The following MRPL19 variants were observed in gnomAD, a reference collection of about 807,000 sequenced individuals.
MRPL19 encodes large ribosomal subunit protein bL19m.
MRPL19 carries 31 observed loss-of-function variants against 34.0 expected under a neutral mutation model. That is an observed-to-expected ratio of 0.91 (90% CI 0.68 to 1.23). The LOEUF (loss-of-function observed/expected upper bound fraction) is 1.23, where lower values mean the gene tolerates loss of function less well. Ranked by LOEUF, MRPL19 falls within the 50% of genes most tolerant of loss-of-function variation. MRPL19 has a pLI of 0.00. For missense variants in MRPL19, 384 were observed against 367.6 expected (o/e 1.04, Z -0.37); for synonymous variants, 152 against 127.7 (o/e 1.19, Z -1.28).
chr2:75,650,837 C>T (rs553193796), intron 2 of MRPL19, among the ~76,000 whole-genome samples: 49 of 152,242 alleles, frequency 3.2e-4, no homozygotes, highest in African/African-American at 1.1e-3. Flanking sequence ...TGTGCCAGGT[C>T]TAGAGGGCAG....
rs1227730319 is a variant in MRPL19, at chr2:75,647,113, G to A, written c.115G>A (p.Gly39Arg). The A allele has an allele frequency of 4.4e-6, 7 of 1,586,310 alleles. No homozygotes were observed. Among genetic ancestry groups the A allele is most frequent in the Non-Finnish European group, 6.0e-6 (7 of 1,165,770 alleles). Reference sequence around the variant, plus strand: ...GTCCGCTCCCGCAGGGGTCCACGCGGGGCCTGTCCGGCAGCAGAGCACTGG... The same window carrying A: ...GTCCGCTCCCGCAGGGGTCCACGCGAGGCCTGTCCGGCAGCAGAGCACTGG... ...PASIACRVHA[G>R]PVRQQSTGPS... The change falls in exon 2 of 6, where the codon GGG becomes AGG. Residue 39 changes from glycine (G) to arginine (R), a missense_variant. Transcript: ENST00000393909.
Position 75,656,868 on chromosome 2 carries a change from G to C in MRPL19, c.*1583G>C, listed in dbSNP as rs992419329. On this transcript the variant is annotated 3_prime_UTR_variant, in exon 6 of 6. Coordinates refer to ENST00000393909, the MANE Select transcript of MRPL19 (RefSeq NM_014763.4). ...GCTTTGTTCTCCCAACTATTATTTG[G>C]ATGTTGGATATCCAGCACTGGGTAT... 6.6e-6 allele frequency: 1 copy of C among 151,980 alleles called. No homozygotes were observed. The highest frequency in any genetic ancestry group is 6.6e-5 in the Admixed American group (1 of 15,230). 9.4% of individuals were successfully genotyped at this position (151,980 alleles called of 1,614,324 possible).
Position 75,654,888 on chromosome 2 carries a change from G to A in MRPL19, c.628G>A (p.Glu210Lys), listed in dbSNP as rs537962136. Residue 210 changes from glutamate to lysine, a missense_variant, in exon 5 of 6, where the codon GAG becomes AAG. Transcript: ENST00000393909. ...FDVNMKPVVQ[E>K]PNQKVPVNEL... Reference sequence around the variant, plus strand: ...TGTGAATATGAAGCCAGTAGTACAAGAGCCTAACCAAAAAGTTCCTGTTAA... The same window carrying A: ...TGTGAATATGAAGCCAGTAGTACAAAAGCCTAACCAAAAAGTTCCTGTTAA... 1.2e-6 allele frequency: 2 copies of A among 1,613,522 alleles called. No individual in the cohort carries two copies. The highest frequency in any genetic ancestry group is 2.2e-5 in the South Asian group (2 of 91,010).
intron 2 of MRPL19, 74 bp downstream of exon 2, chr2:75,647,293 C>T: frequency 7.0e-7 from 1 of 1,426,854 alleles, no homozygotes. Context: ...TTCGAGGTCC[C>T]GGCTCTAAGG....
In MRPL19 at chr2:75,659,710, T is replaced by A. The variant is rs145836109; in HGVS notation, c.*4425T>A. 2.9e-3 allele frequency among the ~76,000 whole-genome samples: 436 copies of A among 152,330 alleles called. 5 individuals carry two copies. Among genetic ancestry groups the A allele is most frequent in the African/African-American group, 9.5e-3 (396 of 41,578 alleles). On this transcript the variant is annotated 3_prime_UTR_variant, in exon 6 of 6. Coordinates refer to ENST00000393909, the MANE Select transcript of MRPL19 (RefSeq NM_014763.4). ...ATATGTCATCCCACTACCTTCTGAC[T>A]TCATGGTTTCTCATGAGATATTAGA...
Position 75,654,835 on chromosome 2 carries a change from ATGCCCTTCC to A in MRPL19, c.578_586del (p.Ala193_Pro195del). On this transcript the variant is annotated inframe_deletion, in exon 5 of 6. Coordinates refer to ENST00000393909, the MANE Select transcript of MRPL19 (RefSeq NM_014763.4). The stretch of plus-strand genomic sequence containing the variant: ...GATGATAGCTTGCTATACTTACGAG[ATGCCCTTCC>A]TGAATATAGCACTTTTGATGTGAAT... The A allele has an allele frequency of 6.2e-7, 1 of 1,613,928 alleles. No individual in the cohort carries two copies.
intron 2 of MRPL19, 151 bp downstream of exon 2, chr2:75,647,370 C>T (rs920493498): frequency 2.9e-6 from 2 of 685,504 alleles, no homozygotes; most frequent in East Asian, 3.1e-5. Flanking sequence ...CCACACTGTT[C>T]TTTCTTTCTC....
At chr2:75,648,292 C>T (rs562807633) in intron 2 of MRPL19, among the ~76,000 whole-genome samples, 41 of 152,250 alleles carry the variant, frequency 2.7e-4, no homozygotes, top group Non-Finnish European at 5.3e-4. Context: ...TACCTTCTCA[C>T]TCAGAAAGCA....
At position 75,652,149 on chromosome 2, in the gene MRPL19, A is replaced by G. The variant is rs754537744; in HGVS notation, c.229A>G (p.Ser77Gly). Residue 77 changes from serine (S) to glycine (G), a missense_variant, in exon 3 of 6, where the codon AGT becomes GGT. Transcript: ENST00000393909. Reference sequence around the variant, plus strand: ...TATTTGTATTTTTTACAGGTTCTTGAGTCCTGAATTCATTCCTCGAAGGGG... The same window carrying G: ...TATTTGTATTTTTTACAGGTTCTTGGGTCCTGAATTCATTCCTCGAAGGGG... ...RPVEPERRFLSPEFIPRRGRT... is the reference protein window; with the variant it reads ...RPVEPERRFLGPEFIPRRGRT... 2.6e-6 allele frequency: 4 copies of G among 1,553,268 alleles called. No individual in the cohort carries two copies. The highest frequency in any genetic ancestry group is 2.6e-6 in the Non-Finnish European group (3 of 1,146,200).
rs901837601 is a variant in MRPL19 at position 75,657,085 on chromosome 2, T to C, written c.*1800T>C. ...ATAAGGGGTATTCAATATAGTGTATTTTTTTTTCATTTAAAATTGTTTGCG... is the reference window on the plus strand; with the variant it reads ...ATAAGGGGTATTCAATATAGTGTATCTTTTTTTCATTTAAAATTGTTTGCG... On this transcript the variant is annotated 3_prime_UTR_variant, in exon 6 of 6. Transcript: ENST00000393909. 1 of 142,718 alleles carries C rather than the reference T, an allele frequency of 7.0e-6. No individual in the cohort carries two copies. The highest frequency in any genetic ancestry group is 6.7e-5 in the Admixed American group (1 of 14,906). 8.8% of individuals were successfully genotyped at this position (142,718 alleles called of 1,614,324 possible).
At chr2:75,651,254 G>T in intron 2 of MRPL19, 1 of 480,702 alleles carries the variant, frequency 2.1e-6, no homozygotes, top group South Asian at 1.6e-5. Context: ...GTCATCCAAG[G>T]AAGAGAAAAT....
intron 2 of MRPL19, among the ~76,000 whole-genome samples, chr2:75,649,166 T>A (rs1040960724): frequency 2.6e-5 from 4 of 152,208 alleles, no homozygotes; most frequent in Non-Finnish European, 5.9e-5. Flanking sequence ...AAAAAGTTAA[T>A]GTTATAAAAA....
At chr2:75,648,049 T>G (rs1293437898) in intron 2 of MRPL19, among the ~76,000 whole-genome samples, 1 of 152,036 alleles carries the variant, frequency 6.6e-6, no homozygotes, top group African/African-American at 2.4e-5. Flanking sequence ...TGGCTTTTTT[T>G]TTTCTTTTCT....
At chr2:75,652,395 C>G in intron 3 of MRPL19, 128 bp from the exon 4 acceptor site, 3 of 1,331,558 alleles carry the variant, frequency 2.3e-6, no homozygotes, top group Non-Finnish European at 3.1e-6. Context: ...GTATTTATTC[C>G]TACATTAAAA....
Position 75,660,089 on chromosome 2 carries a change from AT to A in MRPL19, c.*4811del, listed in dbSNP as rs906223903. 2.7e-5 allele frequency among the ~76,000 whole-genome samples: 4 copies of A among 147,758 alleles called. No individual in the cohort carries two copies. Among genetic ancestry groups the A allele is most frequent in the African/African-American group, 7.5e-5 (3 of 39,864 alleles). On this transcript the variant is annotated 3_prime_UTR_variant, in exon 6 of 6. Coordinates refer to ENST00000393909, the MANE Select transcript of MRPL19 (RefSeq NM_014763.4). ...GATTATTGCAGTTGCCCTTCTTTTT[AT>A]TTTTTTCAAGTTTGTTGATTCTTCT...
Position 75,649,513 on chromosome 2 carries a change from C to A in MRPL19, c.221+2294C>A, listed in dbSNP as rs560550563. Among the ~76,000 whole-genome samples, 4 of 152,090 alleles carry A rather than the reference C, an allele frequency of 2.6e-5. No individual in the cohort carries two copies. The East Asian group carries it at 7.7e-4, about 29-fold the overall frequency. On this transcript the variant is annotated intron_variant, in intron 2 of 5. Transcript: ENST00000393909. ...CCCAGGGAAGCCAGATGATTGGATA[C>A]CTTTGTATTAGATTATGTTATCAAA...
In MRPL19 at chr2:75,646,819, C is replaced by A; in HGVS notation, c.12C>A (p.Cys4Ter). The change falls in exon 1 of 6, where the codon TGC becomes TGA. Residue 4 changes from cysteine (C) to a stop codon, truncating the protein, a stop_gained. Transcript: ENST00000393909. LOFTEE classifies it high-confidence loss of function. ...GTGAGCTAGCTGGCATGGCGGCCTG[C>A]ATTGCAGCGGGGCACTGGGCTGCAA... is the stretch of plus-strand genomic sequence containing the variant. MAA[C>*]IAAGHWAAMG... 1 of 1,548,368 alleles carries A rather than the reference C, an allele frequency of 6.5e-7. No individual in the cohort carries two copies. Among genetic ancestry groups the A allele is most frequent in the Non-Finnish European group, 8.7e-7 (1 of 1,146,860 alleles).
In MRPL19 at chr2:75,647,025, G is replaced by T; in HGVS notation, c.104-77G>T. ...GCGTTGGTCCCCCGTGGGACGCCGG[G>T]TTGGGGGAGATTGCGGGGCTCTGCG... On this transcript the variant is annotated intron_variant, in intron 1 of 5. Coordinates refer to ENST00000393909, the MANE Select transcript of MRPL19 (RefSeq NM_014763.4). 2.0e-6 allele frequency: 3 copies of T among 1,493,586 alleles called. No homozygotes were observed. The South Asian group carries it at 3.9e-5, about 19-fold the overall frequency. 92.5% of individuals were successfully genotyped at this position (1,493,586 alleles called of 1,614,324 possible). A position where few individuals can be genotyped will look rare whatever the true frequency, so the allele number is the denominator to read the frequency against.
chr2:75,654,736 G>A lies in MRPL19; in HGVS notation c.476G>A (p.Gly159Asp). Residue 159 changes from glycine to aspartate, a missense_variant and splice_region_variant, in exon 5 of 6, where the codon GGT (glycine) becomes GAT (aspartate). By Grantham distance (94) the Gly-to-Asp change is moderately conservative (BLOSUM62 -1). Transcript: ENST00000393909. ...FILRNVIEGQ[G>D]VEICFELYNP... ...AGAATATGTTTTCTGTTCTATTTAG[G>A]TGTCGAGATTTGCTTTGAACTTTAT... is the stretch of plus-strand genomic sequence containing the variant. 2 of 1,613,286 alleles carry A rather than the reference G, an allele frequency of 1.2e-6. No homozygotes were observed. Among genetic ancestry groups the A allele is most frequent in the Middle Eastern group, 1.7e-4 (1 of 6,054 alleles).
Sources: allele counts gnomAD v4.1 joint callset (sites outside exome capture counted in the v4.1 genomes callset), GRCh38; gene constraint gnomAD v4.1.1; transcripts MANE v1.5; gene names NCBI Gene and HGNC (gene_info 2026-07-23, HGNC 2026-07-21).